ROBO1: variants seen among roughly 807,000 people sequenced by gnomAD.
ROBO1 encodes roundabout homolog 1.
Under a neutral mutation model 195.9 loss-of-function variants are expected in ROBO1, and 149 were observed. That is an observed-to-expected ratio of 0.76 (90% confidence interval 0.67 to 0.87). The LOEUF is 0.87. ROBO1 is among the 40% of genes least tolerant of loss of function. The probability of loss-of-function intolerance (pLI) is 0.00; values close to 1 mark genes in which losing one functional copy is unlikely to be tolerated. For missense variants in ROBO1, 1,933 were observed against 2,068.3 expected, an observed-to-expected ratio of 0.93 and a Z score of 1.27; for synonymous variants, 816 against 733.2, an observed-to-expected ratio of 1.11 and a Z score of -1.82.
chr3:79,495,991 T>A (rs1396566162), intron 2 of ROBO1, among the ~76,000 whole-genome samples: 1 of 152,018 alleles, frequency 6.6e-6, no homozygotes, highest in Non-Finnish European at 1.5e-5. Flanking sequence ...GGCGGGTGGA[T>A]CACCTGAGTT....
intron 2 of ROBO1, among the ~76,000 whole-genome samples, chr3:79,449,418 T>A (rs1022507638): frequency 6.6e-6 from 1 of 151,770 alleles, no homozygotes; most frequent in African/African-American, 2.4e-5. Context: ...GGGGAAAAAA[T>A]TAAATTTACT....
At chr3:79,233,461 C>A (rs1168371517) in intron 2 of ROBO1, among the ~76,000 whole-genome samples, 1 of 151,892 alleles carries the variant, frequency 6.6e-6, no homozygotes, top group Non-Finnish European at 1.5e-5. Context: ...ATATAAATAA[C>A]CAAATTAAAA....
chr3:79,311,674 G>C (rs915141235), intron 2 of ROBO1, among the ~76,000 whole-genome samples: 3 of 152,078 alleles, frequency 2.0e-5, no homozygotes, highest in African/African-American at 7.2e-5. Flanking sequence ...TTCTCCCAGA[G>C]ATGTGGCCTC....
chr3:79,583,199 A>C (rs1439824752), intron 2 of ROBO1, among the ~76,000 whole-genome samples: 1 of 151,978 alleles, frequency 6.6e-6, no homozygotes, highest in Non-Finnish European at 1.5e-5. Context: ...TTAGTGATTA[A>C]GTTTTTAGTT....
At chr3:78,910,769 T>C (rs1428695381) in intron 4 of ROBO1, among the ~76,000 whole-genome samples, 2 of 131,546 alleles carry the variant, frequency 1.5e-5, no homozygotes, top group Non-Finnish European at 3.3e-5. Context: ...TCCATTGCAT[T>C]AAAGATCACA....
intron 1 of ROBO1, among the ~76,000 whole-genome samples, chr3:79,744,108 A>C (rs1027384982): frequency 6.6e-6 from 1 of 152,252 alleles, no homozygotes; most frequent in Admixed American, 6.5e-5. Context: ...CTAACAGTGC[A>C]GTAAATTTTT....
At chr3:79,232,372 A>T (rs2082335851) in intron 2 of ROBO1, among the ~76,000 whole-genome samples, 1 of 151,410 alleles carries the variant, frequency 6.6e-6, no homozygotes, top group South Asian at 2.1e-4. Flanking sequence ...ATATGAGAAA[A>T]AAATAAAAGA....
intron 2 of ROBO1, among the ~76,000 whole-genome samples, chr3:79,242,880 G>A (rs919354884): frequency 7.9e-5 from 12 of 151,980 alleles, no homozygotes; most frequent in Admixed American, 2.6e-4. Flanking sequence ...TGTGCACAAC[G>A]TGCAGGTTTG....
At chr3:78,635,730 G>T in intron 23 of ROBO1, 43 bp downstream of exon 23, 1 of 1,528,720 alleles carries the variant, frequency 6.5e-7, no homozygotes, top group Non-Finnish European at 9.0e-7. Context: ...GGTGCTGAGA[G>T]TATCATACAG....
chr3:78,723,009 A>G (rs1576022947), intron 5 of ROBO1, among the ~76,000 whole-genome samples: 1 of 152,284 alleles, frequency 6.6e-6, no homozygotes, highest in Non-Finnish European at 1.5e-5. Context: ...ATCAAAAACA[A>G]TATTCCTTTC....
At chr3:79,183,086 A>AAAAAAAAAAAAT in intron 2 of ROBO1, among the ~76,000 whole-genome samples, 1 of 151,960 alleles carries the variant, frequency 6.6e-6, no homozygotes, top group African/African-American at 2.4e-5. Flanking sequence ...AACTCAAAAA[A>AAAAAAAAAAAAT]AAAAAAAAAA....
At chr3:79,724,836 A>T (rs1170552939) in intron 1 of ROBO1, among the ~76,000 whole-genome samples, 1 of 152,144 alleles carries the variant, frequency 6.6e-6, no homozygotes, top group African/African-American at 2.4e-5. Context: ...TCAATACATA[A>T]TACACTTTTT....
At chr3:79,318,575 T>C (rs73122600) in intron 2 of ROBO1, among the ~76,000 whole-genome samples, 15,226 of 152,242 alleles carry the variant, frequency 0.1, 832 homozygotes, top group Middle Eastern at 0.14. Flanking sequence ...CTTTGATGAA[T>C]TGACATATCT....
chr3:78,902,768 C>G (rs2037663238), intron 4 of ROBO1, among the ~76,000 whole-genome samples: 1 of 152,126 alleles, frequency 6.6e-6, no homozygotes, highest in Non-Finnish European at 1.5e-5. Flanking sequence ...CGCTTGAACC[C>G]AGCAGGCGGA....
intron 2 of ROBO1, among the ~76,000 whole-genome samples, chr3:79,568,495 A>C (rs941693520): frequency 1.4e-4 from 20 of 145,006 alleles, no homozygotes; most frequent in South Asian, 2.2e-4. Flanking sequence ...AAAAAAAAAA[A>C]CAGATTGATT....
intron 8 of ROBO1, among the ~76,000 whole-genome samples, chr3:78,689,692 GA>G (rs1482313445): frequency 2.0e-5 from 3 of 152,030 alleles, no homozygotes; most frequent in South Asian, 4.1e-4. Context: ...TGAAGCGAAT[GA>G]ATGCTTCAAG....
At chr3:79,755,074 T>A (rs537490725) in intron 1 of ROBO1, among the ~76,000 whole-genome samples, 65 of 152,146 alleles carry the variant, frequency 4.3e-4, no homozygotes, top group African/African-American at 1.5e-3. Context: ...GAAACGGGGT[T>A]TCACCATGTT....
intron 2 of ROBO1, among the ~76,000 whole-genome samples, chr3:79,314,431 G>A (rs2109105417): frequency 6.6e-6 from 1 of 152,202 alleles, no homozygotes; most frequent in South Asian, 2.1e-4. Flanking sequence ...GTTTCATAAG[G>A]GGCTTTTCCC....
intron 2 of ROBO1, among the ~76,000 whole-genome samples, chr3:79,288,326 A>G (rs1576926262): frequency 6.6e-6 from 1 of 152,202 alleles, no homozygotes; most frequent in South Asian, 2.1e-4. Flanking sequence ...CTTTGATGGT[A>G]TATCATAACT....
Sources: allele counts gnomAD v4.1 joint callset (sites outside exome capture counted in the v4.1 genomes callset), GRCh38; gene constraint gnomAD v4.1.1; transcripts MANE v1.5; gene names NCBI Gene and HGNC (gene_info 2026-07-23, HGNC 2026-07-21).